The following HCN1 variants were observed in gnomAD, a reference collection of about 807,000 sequenced individuals.
The protein encoded by HCN1 is potassium/sodium hyperpolarization-activated cyclic nucleotide-gated channel 1.
In HCN1, 13 loss-of-function variants were observed where a neutral mutation model predicts 78.9. The observed-to-expected ratio is 0.16, with a 90% confidence interval of 0.11 to 0.26. The LOEUF is 0.26. HCN1 is among the 10% of genes least tolerant of loss of function. The pLI is 1.00. For synonymous variants in HCN1, 552 were observed against 455.5 expected (o/e 1.21, Z -2.70); for missense variants, 810 against 1,154.3 (o/e 0.70, Z 4.32).
chr5:45,647,651 G>A (rs539183891), intron 1 of HCN1, among the ~76,000 whole-genome samples: 4 of 152,116 alleles, frequency 2.6e-5, no homozygotes, highest in Admixed American at 1.3e-4. Flanking sequence ...TCAGTAGCCC[G>A]TTAAATCTCT....
chr5:45,682,418 A>C (rs1198691867), intron 1 of HCN1, among the ~76,000 whole-genome samples: 2 of 151,672 alleles, frequency 1.3e-5, no homozygotes, highest in Admixed American at 6.6e-5. Context: ...GTTTCTGTGA[A>C]GGAATAAAAT....
intron 3 of HCN1, among the ~76,000 whole-genome samples, chr5:45,439,807 A>G (rs1315115868): frequency 6.6e-6 from 1 of 151,980 alleles, no homozygotes; most frequent in Non-Finnish European, 1.5e-5. Context: ...ACAGACGAAG[A>G]CAAACTTCCT....
chr5:45,292,352 C>T (rs139116411), intron 6 of HCN1, among the ~76,000 whole-genome samples: 91 of 152,056 alleles, frequency 6.0e-4, no homozygotes, highest in African/African-American at 2.1e-3. Flanking sequence ...GTCACACTAG[C>T]CACATTTTAA....
intron 2 of HCN1, chr5:45,644,966 A>G (rs1580014793): frequency 1.8e-6 from 1 of 549,368 alleles, no homozygotes; most frequent in Non-Finnish European, 3.2e-6. Context: ...AAATTGGCAT[A>G]AAACGATCAC....
intron 2 of HCN1, among the ~76,000 whole-genome samples, chr5:45,476,363 C>G (rs1034129785): frequency 5.3e-5 from 8 of 152,150 alleles, no homozygotes; most frequent in African/African-American, 1.9e-4. Flanking sequence ...TTAAGCCACC[C>G]AGTCCATGAT....
intron 2 of HCN1, among the ~76,000 whole-genome samples, chr5:45,534,435 A>AAAAAAAAAAAT (rs1742923620): frequency 7.1e-6 from 1 of 141,506 alleles, no homozygotes; most frequent in Non-Finnish European, 1.6e-5. Context: ...AAAAAAAAAA[A>AAAAAAAAAAAT]AAAAAAAAAA....
intron 2 of HCN1, among the ~76,000 whole-genome samples, chr5:45,535,217 A>G (rs528522655): frequency 2.4e-4 from 37 of 152,350 alleles, no homozygotes; most frequent in African/African-American, 8.7e-4. Flanking sequence ...TAACACAAAC[A>G]TAAGAAATAT....
At chr5:45,335,310 T>C (rs184046463) in intron 5 of HCN1, among the ~76,000 whole-genome samples, 98 of 152,198 alleles carry the variant, frequency 6.4e-4, no homozygotes, top group Non-Finnish European at 3.2e-4. Flanking sequence ...AAACAGAAGG[T>C]TCTACCTAGT....
At chr5:45,569,738 A>G (rs999233573) in intron 2 of HCN1, among the ~76,000 whole-genome samples, 1 of 152,042 alleles carries the variant, frequency 6.6e-6, no homozygotes, top group Non-Finnish European at 1.5e-5. Flanking sequence ...TAAAGTCTTA[A>G]TATAGTTTAA....
At chr5:45,313,005 T>G (rs1048638064) in intron 5 of HCN1, among the ~76,000 whole-genome samples, 1 of 152,128 alleles carries the variant, frequency 6.6e-6, no homozygotes, top group Non-Finnish European at 1.5e-5. Flanking sequence ...GTCTGACAGC[T>G]TTGAAGACAG....
At chr5:45,438,639 C>T (rs375722651) in intron 3 of HCN1, among the ~76,000 whole-genome samples, 1 of 150,332 alleles carries the variant, frequency 6.7e-6, no homozygotes, top group Admixed American at 6.6e-5. Context: ...ACAACAACAA[C>T]AAAAACAACA....
chr5:45,346,551 C>A (rs1023449551), intron 5 of HCN1, among the ~76,000 whole-genome samples: 2 of 152,122 alleles, frequency 1.3e-5, no homozygotes, highest in Non-Finnish European at 2.9e-5. Flanking sequence ...CGAGCTGAAG[C>A]AGGGCGAGGC....
At chr5:45,685,569 G>A (rs966628660) in intron 1 of HCN1, among the ~76,000 whole-genome samples, 2 of 152,126 alleles carry the variant, frequency 1.3e-5, no homozygotes, top group Non-Finnish European at 2.9e-5. Context: ...AAAATTAGCT[G>A]GGCGTGGTGG....
intron 6 of HCN1, among the ~76,000 whole-genome samples, chr5:45,301,139 T>C (rs1317612765): frequency 6.6e-6 from 1 of 151,992 alleles, no homozygotes; most frequent in Non-Finnish European, 1.5e-5. Flanking sequence ...ATATCTTAGC[T>C]GTAAATGAGG....
intron 2 of HCN1, among the ~76,000 whole-genome samples, chr5:45,465,820 T>C (rs560486162): frequency 7.9e-5 from 12 of 152,268 alleles, no homozygotes; most frequent in Admixed American, 3.9e-4. Context: ...ACAAACAATG[T>C]CTTTAGGAGA....
intron 2 of HCN1, among the ~76,000 whole-genome samples, chr5:45,638,859 A>G (rs1396410562): frequency 6.6e-6 from 1 of 152,136 alleles, no homozygotes; most frequent in Non-Finnish European, 1.5e-5. Context: ...CCGAGATGGA[A>G]CCAACTACCC....
chr5:45,318,787 T>C (rs920742422), intron 5 of HCN1, among the ~76,000 whole-genome samples: 2 of 151,900 alleles, frequency 1.3e-5, no homozygotes, highest in African/African-American at 4.8e-5. Flanking sequence ...TTAAAAAATA[T>C]ATATGCACCC....
chr5:45,267,055 A>C, intron 7 of HCN1, 34 bp downstream of exon 7: 11 of 1,569,254 alleles, frequency 7.0e-6, no homozygotes, highest in East Asian at 2.2e-5. Context: ...CAGGAGATTA[A>C]ATTTTATATA....
At chr5:45,498,477 A>T (rs1418243012) in intron 2 of HCN1, among the ~76,000 whole-genome samples, 3 of 152,012 alleles carry the variant, frequency 2.0e-5, no homozygotes, top group Non-Finnish European at 4.4e-5. Context: ...TATTCTAGTT[A>T]TACATTCTTC....
Sources: gnomAD v4.1 joint callset for allele counts (sites outside exome capture counted in the v4.1 genomes callset) on GRCh38, gnomAD v4.1.1 for gene constraint, MANE v1.5 for transcripts, NCBI Gene and HGNC (gene_info 2026-07-23, HGNC 2026-07-21) for gene names.